The following SUCLG2 variants were observed in gnomAD, a reference collection of about 807,000 sequenced individuals.
SUCLG2 encodes the protein succinate-CoA ligase GDP-forming subunit beta, also known as succinate--CoA ligase [GDP-forming] subunit beta, mitochondrial.
In SUCLG2, 42 loss-of-function variants were observed where a neutral mutation model predicts 47.9. The observed-to-expected ratio is 0.88, with a 90% CI of 0.69 to 1.14. SUCLG2 has a LOEUF of 1.14. Among genes scored for constraint, SUCLG2 ranks in the 50% most tolerant of loss-of-function variants. SUCLG2 has a pLI of 0.00. For synonymous variants in SUCLG2, 195 were observed against 197.3 expected, an observed-to-expected ratio of 0.99 and a Z score of 0.10; for missense variants, 571 against 525.9, an observed-to-expected ratio of 1.09 and a Z score of -0.84.
intron 10 of SUCLG2, among the ~76,000 whole-genome samples, chr3:67,381,496 G>T (rs1266197759): frequency 6.6e-6 from 1 of 152,168 alleles, no homozygotes; most frequent in African/African-American, 2.4e-5. Flanking sequence ...TTATGCCTGT[G>T]CACAGAATTA....
chr3:67,442,001 C>T (rs1343237590), intron 9 of SUCLG2, among the ~76,000 whole-genome samples: 1 of 150,936 alleles, frequency 6.6e-6, no homozygotes, highest in Non-Finnish European at 1.5e-5. Flanking sequence ...ATCTGGCTGT[C>T]TACTTTCTTT....
chr3:67,484,399 G>A (rs1704998906), intron 9 of SUCLG2, among the ~76,000 whole-genome samples: 1 of 152,288 alleles, frequency 6.6e-6, no homozygotes, highest in Non-Finnish European at 1.5e-5. Context: ...TCAGCTAGAT[G>A]ACTTATATGG....
chr3:67,394,078 A>G (rs373223659), intron 10 of SUCLG2, among the ~76,000 whole-genome samples: 1 of 152,178 alleles, frequency 6.6e-6, no homozygotes, highest in East Asian at 1.9e-4. Context: ...GGGAAAAAAC[A>G]GAGCAGAAAA....
At chr3:67,536,489 A>C (rs1352227317) in intron 2 of SUCLG2, among the ~76,000 whole-genome samples, 1 of 152,132 alleles carries the variant, frequency 6.6e-6, no homozygotes, top group Non-Finnish European at 1.5e-5. Flanking sequence ...GCCATCATTC[A>C]CTGCCTATGG....
intron 10 of SUCLG2, among the ~76,000 whole-genome samples, chr3:67,380,053 C>T (rs1271076883): frequency 6.6e-5 from 10 of 152,120 alleles, no homozygotes; most frequent in East Asian, 1.9e-4. Context: ...GTGTGCTTGA[C>T]GAGAAGAGGA....
intron 9 of SUCLG2, among the ~76,000 whole-genome samples, chr3:67,421,653 T>C (rs1703160487): frequency 6.6e-6 from 1 of 152,220 alleles, no homozygotes; most frequent in Non-Finnish European, 1.5e-5. Context: ...TTTATATAAA[T>C]GTTTTACTGC....
intron 10 of SUCLG2, among the ~76,000 whole-genome samples, chr3:67,379,297 T>C (rs1003056246): frequency 2.0e-5 from 3 of 152,148 alleles, no homozygotes; most frequent in Non-Finnish European, 2.9e-5. Flanking sequence ...CTTCTTCCTC[T>C]TCCTTTCTTC....
intron 1 of SUCLG2, among the ~76,000 whole-genome samples, chr3:67,622,544 AT>A (rs1250055924): frequency 6.6e-6 from 1 of 152,224 alleles, no homozygotes; most frequent in Admixed American, 6.5e-5. Context: ...GGACCCACAG[AT>A]GACTGTGATA....
chr3:67,520,644 T>C lies in SUCLG2; in HGVS notation c.418-10A>G. ...CTTCAGCAACCATCACCTACCACAT[T>C]AGTGGGAAAGTCAAATTAATTCAGC... On this transcript the variant is annotated splice_polypyrimidine_tract_variant and intron_variant, in intron 4 of 10. Coordinates refer to ENST00000307227, the MANE Select transcript of SUCLG2 (RefSeq NM_003848.4). 3.1e-6 allele frequency: 5 copies of C among 1,597,196 alleles called. No individual in the cohort carries two copies. Among genetic ancestry groups the C allele is most frequent in the Non-Finnish European group, 4.3e-6 (5 of 1,174,410 alleles).
At chr3:67,603,384 A>G (rs1369195421) in intron 2 of SUCLG2, among the ~76,000 whole-genome samples, 1 of 152,226 alleles carries the variant, frequency 6.6e-6, no homozygotes, top group African/African-American at 2.4e-5. Flanking sequence ...TTTTTACATC[A>G]AATACAATTC....
intron 2 of SUCLG2, among the ~76,000 whole-genome samples, chr3:67,570,737 G>A (rs1707584829): frequency 6.6e-6 from 1 of 152,152 alleles, no homozygotes; most frequent in South Asian, 2.1e-4. Context: ...GGAGGGTAAT[G>A]CATCCTGACT....
chr3:67,612,086 C>CA lies in SUCLG2; in HGVS notation c.85-2491dup, dbSNP rs564275026. 2.6e-5 allele frequency among the ~76,000 whole-genome samples: 4 copies of CA among 152,300 alleles called. No homozygotes were observed. The East Asian group carries it at 7.7e-4, about 29-fold the overall frequency. The stretch of plus-strand genomic sequence containing the variant: ...ATTTGTAGCTGGGTGTGGGCAGGCG[C>CA]AGTGGTTCACACCTGTAATCCCAAC... On this transcript the variant is annotated intron_variant, in intron 1 of 10. Coordinates refer to ENST00000307227, the MANE Select transcript of SUCLG2 (RefSeq NM_003848.4).
At chr3:67,391,169 C>G (rs1294796793) in intron 10 of SUCLG2, among the ~76,000 whole-genome samples, 1 of 152,206 alleles carries the variant, frequency 6.6e-6, no homozygotes, top group Admixed American at 6.5e-5. Context: ...TTCATTCTTA[C>G]AAATCTCTCT....
chr3:67,563,263 T>C (rs965960288), intron 2 of SUCLG2, among the ~76,000 whole-genome samples: 2 of 152,144 alleles, frequency 1.3e-5, no homozygotes, highest in African/African-American at 4.8e-5. Flanking sequence ...TTCTAACTGC[T>C]GTGAACAGTG....
chr3:67,363,831 A>C (rs1457126771), intron 10 of SUCLG2, among the ~76,000 whole-genome samples: 1 of 140,984 alleles, frequency 7.1e-6, no homozygotes, highest in Non-Finnish European at 1.5e-5. Context: ...GTACAAAAGT[A>C]AATTTCTGGA....
intron 2 of SUCLG2, among the ~76,000 whole-genome samples, chr3:67,540,800 C>T (rs891222352): frequency 9.9e-5 from 15 of 152,186 alleles, no homozygotes; most frequent in Admixed American, 2.6e-4. Context: ...AGGAGAGCTC[C>T]GGCTGGCATC....
chr3:67,427,538 C>G (rs1378414701), intron 9 of SUCLG2, among the ~76,000 whole-genome samples: 1 of 152,152 alleles, frequency 6.6e-6, no homozygotes, highest in Non-Finnish European at 1.5e-5. Context: ...CGAATAGGAA[C>G]AGCTCCAGTC....
At chr3:67,509,689 G>A (rs889254825) in intron 6 of SUCLG2, among the ~76,000 whole-genome samples, 1 of 152,136 alleles carries the variant, frequency 6.6e-6, no homozygotes, top group African/African-American at 2.4e-5. Flanking sequence ...AATAACAAAA[G>A]GAGCATGTGA....
At chr3:67,513,288 C>T (rs1419229977) in intron 6 of SUCLG2, among the ~76,000 whole-genome samples, 1 of 152,238 alleles carries the variant, frequency 6.6e-6, no homozygotes, top group Non-Finnish European at 1.5e-5. Flanking sequence ...CTTAAGCCTA[C>T]ACCAATTTTG....
Sources: allele counts gnomAD v4.1 joint callset (sites outside exome capture counted in the v4.1 genomes callset), GRCh38; gene constraint gnomAD v4.1.1; transcripts MANE v1.5; gene names NCBI Gene and HGNC (gene_info 2026-07-23, HGNC 2026-07-21).